Variants in CCDC85C observed in about 807,000 individuals in gnomAD.
CCDC85C encodes the protein coiled-coil domain containing 85C.
CCDC85C carries 18 observed loss-of-function variants against 38.3 expected under a neutral mutation model. The observed-to-expected ratio is 0.47, with a 90% CI of 0.33 to 0.70. CCDC85C has a LOEUF of 0.70. Among genes scored for constraint, CCDC85C ranks in the 30% least tolerant of loss-of-function variants. CCDC85C has a pLI of 0.03. For synonymous variants in CCDC85C, 264 were observed against 293.8 expected, an observed-to-expected ratio of 0.90 and a Z score of 1.04; for missense variants, 566 against 621.2, an observed-to-expected ratio of 0.91 and a Z score of 0.94.
intron 1 of CCDC85C, among the ~76,000 whole-genome samples, chr14:99,560,182 T>A (rs1898090408): frequency 6.6e-6 from 1 of 152,040 alleles, no homozygotes; most frequent in South Asian, 2.1e-4. Context: ...CACCAAAGGC[T>A]GCCCTCTTAG....
intron 2 of CCDC85C, chr14:99,534,840 C>A (rs956496736): frequency 3.6e-5 from 23 of 634,804 alleles, no homozygotes; most frequent in African/African-American, 3.5e-4. Flanking sequence ...CACCTGACAG[C>A]AAGGCATGAA....
At chr14:99,590,106 A>T (rs2055070102) in intron 1 of CCDC85C, among the ~76,000 whole-genome samples, 1 of 152,166 alleles carries the variant, frequency 6.6e-6, no homozygotes, top group East Asian at 1.9e-4. Flanking sequence ...CAAGCTTTTA[A>T]CTCGGTGGAG....
At position 99,545,342 on chromosome 14, in the gene CCDC85C, G is replaced by A. The variant is rs1196822503; in HGVS notation, c.794-9254C>T. Among the ~76,000 whole-genome samples the A allele has an allele frequency of 1.3e-5, 2 of 152,142 alleles. No individual in the cohort carries two copies. The highest frequency in any genetic ancestry group is 1.9e-4 in the East Asian group (1 of 5,182). ...AGGGGGCAGCTGAATGGAAAGCCCC[G>A]CTCCGGCTCAGTTCATCTAGAATGT... On this transcript the variant is annotated intron_variant, in intron 1 of 5. Coordinates refer to ENST00000380243, the MANE Select transcript of CCDC85C (RefSeq NM_001144995.2). This position sits in a 1 kb window ranked among gnomAD's most constrained non-coding sequence, Gnocchi z 4.7.
At chr14:99,599,082 C>A (rs1336318968) in intron 1 of CCDC85C, among the ~76,000 whole-genome samples, 1 of 152,138 alleles carries the variant, frequency 6.6e-6, no homozygotes, top group Non-Finnish European at 1.5e-5. Flanking sequence ...TTAGGAAAAG[C>A]AGCCTTATTA....
At position 99,501,608 on chromosome 14, in the gene CCDC85C, G is replaced by T. The variant is rs545898021; in HGVS notation, c.*13638C>A. 3.5e-6 allele frequency: 2 copies of T among 567,780 alleles called. No individual in the cohort carries two copies. The highest frequency in any genetic ancestry group is 1.9e-5 in the African/African-American group (1 of 52,832). The allele number at this position is 567,780 out of a possible 1,614,324, so 35.2% of individuals were successfully genotyped here. Reference sequence around the variant, plus strand: ...GCAGAGGGTTTCCTTCTGCCCTGCCGTGTCATGGTGTTGTGAGGTGCTGAA... The same window carrying T: ...GCAGAGGGTTTCCTTCTGCCCTGCCTTGTCATGGTGTTGTGAGGTGCTGAA... On this transcript the variant is annotated 3_prime_UTR_variant, in exon 6 of 6. Coordinates refer to ENST00000380243, the MANE Select transcript of CCDC85C (RefSeq NM_001144995.2).
At position 99,519,099 on chromosome 14, in the gene CCDC85C, C is replaced by CT. The variant is rs59524541; in HGVS notation, c.976-1917dup. On this transcript the variant is annotated intron_variant, in intron 3 of 5. Coordinates refer to ENST00000380243, the MANE Select transcript of CCDC85C (RefSeq NM_001144995.2). Reference sequence around the variant, plus strand: ...TATCTTTTTACATGTTCATACATGCCTTTTTTTTTTTTTTTTTTTTTTTTT... The same window carrying CT: ...TATCTTTTTACATGTTCATACATGCCTTTTTTTTTTTTTTTTTTTTTTTTTT... 5.5e-3 allele frequency among the ~76,000 whole-genome samples: 289 copies of CT among 52,222 alleles called. 55 individuals are homozygous for CT. Among genetic ancestry groups the CT allele is most frequent in the Non-Finnish European group, 6.2e-3 (187 of 30,372 alleles). 34.3% of individuals were successfully genotyped at this position (52,222 alleles called of 152,430 possible).
rs145985432 is a variant in CCDC85C, at chr14:99,592,988, G to C, written c.793+10179C>G. On this transcript the variant is annotated intron_variant, in intron 1 of 5. Transcript: ENST00000380243. Reference sequence around the variant, plus strand: ...TCTGGAGAAAGGGTGGCTGGGTGGGGGGAGCGTCCCATTGTTCCACCAGCC... The same window carrying C: ...TCTGGAGAAAGGGTGGCTGGGTGGGCGGAGCGTCCCATTGTTCCACCAGCC... 2.2e-4 allele frequency among the ~76,000 whole-genome samples: 33 copies of C among 152,358 alleles called. No individual in the cohort carries two copies. In the East Asian group the frequency reaches 6.4e-3, roughly 29 times the overall value.
At chr14:99,527,654 T>A (rs1897412270) in intron 2 of CCDC85C, among the ~76,000 whole-genome samples, 1 of 152,078 alleles carries the variant, frequency 6.6e-6, no homozygotes, top group Admixed American at 6.5e-5. Context: ...ATGCTGACCC[T>A]CAGAACTGTG....
intron 1 of CCDC85C, among the ~76,000 whole-genome samples, chr14:99,567,642 T>C (rs1203075512): frequency 2.6e-5 from 4 of 152,274 alleles, no homozygotes; most frequent in South Asian, 4.1e-4. Context: ...CTGACCAACA[T>C]GGTGAAACCC....
intron 1 of CCDC85C, among the ~76,000 whole-genome samples, chr14:99,601,198 T>G (rs2055194970): frequency 6.6e-6 from 1 of 152,170 alleles, no homozygotes; most frequent in Non-Finnish European, 1.5e-5. Flanking sequence ...GTAATAATAA[T>G]GCTGAATTTT....
At chr14:99,573,842 G>C (rs1189865269) in intron 1 of CCDC85C, among the ~76,000 whole-genome samples, 1 of 152,150 alleles carries the variant, frequency 6.6e-6, no homozygotes, top group African/African-American at 2.4e-5. Flanking sequence ...CCTGGTTAGA[G>C]CCCATAGCCT....
chr14:99,509,767 G>T lies in CCDC85C; in HGVS notation c.*5479C>A. On this transcript the variant is annotated 3_prime_UTR_variant, in exon 6 of 6. Coordinates refer to ENST00000380243, the MANE Select transcript of CCDC85C (RefSeq NM_001144995.2). ...CTGCAAAATGCCACTGCTGCAGACAGGAGTTCAGTGTGGCCCTGACCCCTG... is the reference window on the plus strand; with the variant it reads ...CTGCAAAATGCCACTGCTGCAGACATGAGTTCAGTGTGGCCCTGACCCCTG... 1 of 251,508 alleles carries T rather than the reference G, an allele frequency of 4.0e-6. No individual in the cohort carries two copies. Among genetic ancestry groups the T allele is most frequent in the East Asian group, 8.8e-5 (1 of 11,346 alleles). The allele number at this position is 251,508 out of a possible 1,614,324, so 15.6% of individuals were successfully genotyped here.
intron 1 of CCDC85C, among the ~76,000 whole-genome samples, chr14:99,600,360 C>G (rs2055186543): frequency 6.6e-6 from 1 of 152,202 alleles, no homozygotes; most frequent in Non-Finnish European, 1.5e-5. Context: ...CATGGAGGAG[C>G]TGAGATTCAA....
rs1896850530 is a variant in CCDC85C, at chr14:99,502,253, G to A, written c.*12993C>T. 7 of 1,605,902 alleles carry A rather than the reference G, an allele frequency of 4.4e-6. No individual in the cohort carries two copies. Among genetic ancestry groups the A allele is most frequent in the African/African-American group, 1.3e-5 (1 of 74,918 alleles). On this transcript the variant is annotated 3_prime_UTR_variant, in exon 6 of 6. Transcript: ENST00000380243. ...GCAGTGGGAACCAGAGATCATAGCA[G>A]TAGCAGTGATGTATCTCGCAGGACG...
Position 99,509,502 on chromosome 14 carries a change from A to ACG in CCDC85C, c.*5742_*5743dup, listed in dbSNP as rs1243086359. On this transcript the variant is annotated 3_prime_UTR_variant, in exon 6 of 6. Transcript: ENST00000380243. ...TGCCTGTCCCTGCTGCACACGCAGC[A>ACG]CGCACACACACGCAGCACGCACAGA... The ACG allele has an allele frequency of 4.2e-4, 61 of 143,930 alleles. No individual in the cohort carries two copies. Among genetic ancestry groups the ACG allele is most frequent in the African/African-American group, 1.8e-3 (59 of 33,112 alleles). 8.9% of individuals were successfully genotyped at this position (143,930 alleles called of 1,614,324 possible). A position where few individuals can be genotyped will look rare whatever the true frequency, so the allele number is the denominator to read the frequency against.
At chr14:99,529,930 T>C (rs925899927) in intron 2 of CCDC85C, among the ~76,000 whole-genome samples, 7 of 152,248 alleles carry the variant, frequency 4.6e-5, no homozygotes, top group Admixed American at 3.3e-4. Flanking sequence ...CTTTTCATCC[T>C]CTGAACAATG....
rs572900051 is a variant in CCDC85C at position 99,572,108 on chromosome 14, C to T, written c.793+31059G>A. On this transcript the variant is annotated intron_variant, in intron 1 of 5. Coordinates refer to ENST00000380243, the MANE Select transcript of CCDC85C (RefSeq NM_001144995.2). The surrounding 1 kb of genome is among the most constrained non-coding windows in gnomAD (Gnocchi z 4.4). ...GCACCCGCAAGTCTCTGGAAGGCAG[C>T]GGCAAGGGCCAGATTCCCCACATAC... 9.9e-5 allele frequency among the ~76,000 whole-genome samples: 15 copies of T among 152,284 alleles called. No individual in the cohort carries two copies. The highest frequency in any genetic ancestry group is 2.6e-4 in the Admixed American group (4 of 15,294).
At chr14:99,565,518 T>C (rs1898198745) in intron 1 of CCDC85C, among the ~76,000 whole-genome samples, 1 of 152,166 alleles carries the variant, frequency 6.6e-6, no homozygotes, top group Non-Finnish European at 1.5e-5. Context: ...CTAGAATAAC[T>C]GGAAGCCTAA....
At chr14:99,594,605 T>C (rs1018222343) in intron 1 of CCDC85C, among the ~76,000 whole-genome samples, 5 of 152,066 alleles carry the variant, frequency 3.3e-5, no homozygotes, top group African/African-American at 4.8e-5. Context: ...GACCACTGAG[T>C]GACCGATAGG....
Sources: gnomAD v4.1 joint callset for allele counts (sites outside exome capture counted in the v4.1 genomes callset) on GRCh38, gnomAD v4.1.1 for gene constraint, Gnocchi (gnomAD v3.1) non-coding constraint, MANE v1.5 for transcripts, NCBI Gene and HGNC (gene_info 2026-07-23, HGNC 2026-07-21) for gene names.